NRG2: variants seen among roughly 807,000 people sequenced by gnomAD.
NRG2 encodes pro-neuregulin-2, membrane-bound isoform.
NRG2 carries 27 observed loss-of-function variants against 73.9 expected under a neutral mutation model. That is an observed-to-expected ratio of 0.37 (90% CI 0.27 to 0.50). NRG2 has a LOEUF of 0.50. Ranked by LOEUF, NRG2 falls within the 20% of genes least tolerant of loss-of-function variation. The pLI is 0.96. For missense variants in NRG2, 1,126 were observed against 1,210.1 expected, an observed-to-expected ratio of 0.93 and a Z score of 1.03; for synonymous variants, 532 against 541.0, an observed-to-expected ratio of 0.98 and a Z score of 0.23.
Position 139,963,361 on chromosome 5 carries a change from C to T in NRG2, c.701-75850G>A, listed in dbSNP as rs187295282. On this transcript the variant is annotated intron_variant, in intron 1 of 9. Transcript: ENST00000361474. The stretch of plus-strand genomic sequence containing the variant: ...ACACTCACATACACATGTATTTGCA[C>T]GTTCAAATAAAGTATAGGCATCAGG... Among the ~76,000 whole-genome samples the T allele has an allele frequency of 9.0e-4, 137 of 152,286 alleles. 4 individuals are homozygous for T. The Middle Eastern group carries it at 0.01, about 11-fold the overall frequency.
chr5:139,941,249 A>AT (rs1753378752), intron 1 of NRG2, among the ~76,000 whole-genome samples: 2 of 152,280 alleles, frequency 1.3e-5, no homozygotes, highest in Admixed American at 6.5e-5. Context: ...AAAATCAAAC[A>AT]TTTTTTGTGG....
chr5:139,882,726 C>T (rs1351629835), intron 2 of NRG2, among the ~76,000 whole-genome samples: 7 of 152,094 alleles, frequency 4.6e-5, no homozygotes, highest in Admixed American at 4.6e-4. Context: ...TGTTGATGCA[C>T]AGGGGACTCA....
intron 1 of NRG2, among the ~76,000 whole-genome samples, chr5:140,028,022 C>T (rs544043200): frequency 2.8e-4 from 42 of 152,274 alleles, no homozygotes; most frequent in African/African-American, 9.6e-4. Context: ...TAGGGACTAG[C>T]GACTAATGTT....
At chr5:139,867,161 G>T (rs1762518124) in intron 4 of NRG2, among the ~76,000 whole-genome samples, 1 of 152,212 alleles carries the variant, frequency 6.6e-6, no homozygotes, top group Non-Finnish European at 1.5e-5. Context: ...GGCAGCCATT[G>T]GTTGTGACAG....
Position 139,848,197 on chromosome 5 carries a change from G to A in NRG2, c.2273C>T (p.Ala758Val). Reference protein sequence around the residue: ...LNGLAAQRARAARDSLSLSSG... With the variant: ...LNGLAAQRARVARDSLSLSSG... ...GCTCAGCGACAGCGAGTCCCTCGCCGCCCGTGCGCGCTGCGCCGCCAGCCC... is the reference window on the plus strand; with the variant it reads ...GCTCAGCGACAGCGAGTCCCTCGCCACCCGTGCGCGCTGCGCCGCCAGCCC... The change falls in exon 10 of 10, where the codon GCG becomes GTG. Residue 758 changes from alanine (A) to valine (V), a missense_variant. Transcript: ENST00000361474. 7.6e-7 allele frequency: 1 copy of A among 1,318,278 alleles called. No homozygotes were observed. 81.7% of individuals were successfully genotyped at this position (1,318,278 alleles called of 1,614,324 possible).
intron 1 of NRG2, among the ~76,000 whole-genome samples, chr5:139,965,975 A>AT (rs562153766): frequency 1.7e-4 from 25 of 150,026 alleles, no homozygotes; most frequent in Admixed American, 3.3e-4. Flanking sequence ...ACAATTTCTA[A>AT]TTTTTTTTTT....
chr5:139,903,813 G>A (rs1765037713), intron 1 of NRG2, among the ~76,000 whole-genome samples: 1 of 152,232 alleles, frequency 6.6e-6, no homozygotes, highest in Non-Finnish European at 1.5e-5. Context: ...GTTGGCGGGC[G>A]CTGTTGCCCA....
chr5:140,013,598 C>T (rs896663331), intron 1 of NRG2, among the ~76,000 whole-genome samples: 4 of 152,186 alleles, frequency 2.6e-5, no homozygotes, highest in Non-Finnish European at 5.9e-5. Flanking sequence ...TTTCCCCTAA[C>T]AGCTACCACC....
At chr5:139,963,778 T>C (rs1450494023) in intron 1 of NRG2, among the ~76,000 whole-genome samples, 3 of 152,170 alleles carry the variant, frequency 2.0e-5, no homozygotes, top group African/African-American at 4.8e-5. Flanking sequence ...TTTCTAGGCC[T>C]GGTGGCCTTG....
At chr5:139,901,773 A>G (rs1471173181) in intron 1 of NRG2, among the ~76,000 whole-genome samples, 5 of 152,168 alleles carry the variant, frequency 3.3e-5, no homozygotes, top group African/African-American at 1.2e-4. Context: ...CCTCCAGCAG[A>G]GGAGACTTTT....
intron 1 of NRG2, among the ~76,000 whole-genome samples, chr5:139,970,888 T>C (rs964610125): frequency 4.6e-5 from 7 of 152,236 alleles, no homozygotes; most frequent in South Asian, 2.1e-4. Flanking sequence ...CATGAAACCT[T>C]TCCAAACATG....
intron 1 of NRG2, among the ~76,000 whole-genome samples, chr5:140,013,714 C>T (rs965282377): frequency 6.6e-6 from 1 of 152,152 alleles, no homozygotes; most frequent in South Asian, 2.1e-4. Flanking sequence ...CACTACTGCA[C>T]TGAAACTGTT....
intron 1 of NRG2, among the ~76,000 whole-genome samples, chr5:139,956,631 C>T (rs1012221098): frequency 3.3e-5 from 5 of 152,252 alleles, no homozygotes; most frequent in African/African-American, 4.8e-5. Flanking sequence ...GGGATGGAGA[C>T]GGATTCACCA....
chr5:140,004,809 G>A (rs2126630777), intron 1 of NRG2, among the ~76,000 whole-genome samples: 1 of 152,290 alleles, frequency 6.6e-6, no homozygotes, highest in South Asian at 2.1e-4. Context: ...AAGGCTTATA[G>A]TTTAGTTAAT....
intron 1 of NRG2, among the ~76,000 whole-genome samples, chr5:140,027,953 T>C (rs1283536206): frequency 6.6e-6 from 1 of 152,176 alleles, no homozygotes; most frequent in Non-Finnish European, 1.5e-5. Flanking sequence ...CAGTGAAGAA[T>C]CATTCCCAGG....
rs775099709 is a variant in NRG2 at position 140,042,420 on chromosome 5, T to A, written c.650A>T (p.Asn217Ile). ...CACCTCTTTCTTGAGATTTTTGCCG[T>A]TGGTATCGAGGGGGGCAAAGGCCGT... ...FKTAFAPLDT[N>I]GKNLKKEVGK... The change falls in exon 1 of 10, where the codon AAC becomes ATC. Residue 217 changes from asparagine (N) to isoleucine (I), a missense_variant. Coordinates refer to ENST00000361474, the MANE Select transcript of NRG2 (RefSeq NM_004883.3). 1 of 1,605,418 alleles carries A rather than the reference T, an allele frequency of 6.2e-7. No homozygotes were observed. Among genetic ancestry groups the A allele is most frequent in the South Asian group, 1.1e-5 (1 of 89,550 alleles).
chr5:140,031,965 A>G (rs1167706735), intron 1 of NRG2, among the ~76,000 whole-genome samples: 1 of 152,186 alleles, frequency 6.6e-6, no homozygotes, highest in Non-Finnish European at 1.5e-5. Context: ...AACATGCCAA[A>G]GGAGAAACAT....
chr5:139,990,828 T>A (rs1297842672), intron 1 of NRG2, among the ~76,000 whole-genome samples: 2 of 152,228 alleles, frequency 1.3e-5, no homozygotes, highest in Non-Finnish European at 2.9e-5. Flanking sequence ...GCCCATTTTT[T>A]AAAAACTGGG....
intron 1 of NRG2, among the ~76,000 whole-genome samples, chr5:139,928,405 T>C (rs1223079687): frequency 1.3e-5 from 2 of 152,212 alleles, no homozygotes; most frequent in African/African-American, 4.8e-5. Context: ...TTCTGAAGGT[T>C]GCTTCTCTTT....
Sources: gnomAD v4.1 joint callset for allele counts (sites outside exome capture counted in the v4.1 genomes callset) on GRCh38, gnomAD v4.1.1 for gene constraint, MANE v1.5 for transcripts, NCBI Gene and HGNC (gene_info 2026-07-23, HGNC 2026-07-21) for gene names.